The following PPM1H variants were observed in gnomAD, a reference collection of about 807,000 sequenced individuals.
PPM1H encodes protein phosphatase 1H.
Under a neutral mutation model 54.9 loss-of-function variants are expected in PPM1H, and 27 were observed. The ratio of observed to expected loss-of-function variants is 0.49; its 90% CI spans 0.36 to 0.68. The LOEUF (loss-of-function observed/expected upper bound fraction) is 0.68. PPM1H is among the 30% of genes least tolerant of loss of function. PPM1H has a pLI of 0.00. For synonymous variants in PPM1H, 305 were observed against 270.8 expected (o/e 1.13, Z -1.24); for missense variants, 596 against 667.8 (o/e 0.89, Z 1.19).
chr12:62,811,739 C>A (rs1385803583), intron 2 of PPM1H, among the ~76,000 whole-genome samples: 1 of 152,148 alleles, frequency 6.6e-6, no homozygotes, highest in Non-Finnish European at 1.5e-5. Context: ...CTCCTTTCCG[C>A]CACCATGTGA....
chr12:62,822,319 A>T (rs2076908626), intron 2 of PPM1H, among the ~76,000 whole-genome samples: 1 of 152,144 alleles, frequency 6.6e-6, no homozygotes, highest in Non-Finnish European at 1.5e-5. Context: ...AGACTTTAAC[A>T]CCCCACTGTC....
chr12:62,768,893 A>G (rs2120640872), intron 4 of PPM1H, among the ~76,000 whole-genome samples: 1 of 152,318 alleles, frequency 6.6e-6, no homozygotes, highest in East Asian at 1.9e-4. Flanking sequence ...ACCAAATGAT[A>G]AAAGACAAGA....
chr12:62,897,879 C>A (rs1165977597), intron 1 of PPM1H, among the ~76,000 whole-genome samples: 2 of 152,030 alleles, frequency 1.3e-5, no homozygotes, highest in Non-Finnish European at 2.9e-5. Flanking sequence ...ATGTGGGGAA[C>A]AGAAGGTGTA....
At chr12:62,741,959 T>C (rs956505116) in intron 4 of PPM1H, among the ~76,000 whole-genome samples, 1 of 151,778 alleles carries the variant, frequency 6.6e-6, no homozygotes, top group African/African-American at 2.4e-5. Flanking sequence ...ATACGCCTTT[T>C]TGTTGGTTTT....
chr12:62,801,757 A>G, intron 3 of PPM1H, 59 bp downstream of exon 3: 2 of 1,573,692 alleles, frequency 1.3e-6, no homozygotes, highest in Non-Finnish European at 1.7e-6. Flanking sequence ...GGAAGGACGG[A>G]CAGACCTGGC....
At chr12:62,700,190 C>T (rs565402269) in intron 6 of PPM1H, among the ~76,000 whole-genome samples, 1 of 152,256 alleles carries the variant, frequency 6.6e-6, no homozygotes, top group South Asian at 2.1e-4. Flanking sequence ...TTTGGTGGTG[C>T]TTTTGGATTC....
chr12:62,795,565 G>T (rs550044825), intron 3 of PPM1H, among the ~76,000 whole-genome samples: 4 of 151,966 alleles, frequency 2.6e-5, no homozygotes, highest in South Asian at 4.2e-4. Flanking sequence ...TCCTGCCTCA[G>T]GCTCCCGAGT....
At chr12:62,690,431 G>T (rs1047659534) in intron 7 of PPM1H, among the ~76,000 whole-genome samples, 1 of 152,154 alleles carries the variant, frequency 6.6e-6, no homozygotes, top group East Asian at 1.9e-4. Flanking sequence ...TTCCCTCTGG[G>T]TGGAAAGGAA....
intron 9 of PPM1H, among the ~76,000 whole-genome samples, chr12:62,665,692 G>T (rs1381322214): frequency 1.3e-5 from 2 of 151,904 alleles, no homozygotes; most frequent in African/African-American, 4.8e-5. Context: ...AAATTGTTTA[G>T]TCATTTTTTT....
At chr12:62,672,980 C>T (rs192979343) in intron 8 of PPM1H, among the ~76,000 whole-genome samples, 82 of 152,280 alleles carry the variant, frequency 5.4e-4, no homozygotes, top group Middle Eastern at 3.4e-3. Flanking sequence ...CAGAAGACCC[C>T]CTCATTTCAC....
At chr12:62,765,018 C>G (rs1286772156) in intron 4 of PPM1H, among the ~76,000 whole-genome samples, 2 of 152,142 alleles carry the variant, frequency 1.3e-5, no homozygotes, top group Non-Finnish European at 2.9e-5. Context: ...TGCAGGTCAT[C>G]AAAAAAGTTC....
intron 4 of PPM1H, among the ~76,000 whole-genome samples, chr12:62,771,305 C>CAG (rs1391348093): frequency 6.9e-6 from 1 of 144,772 alleles, no homozygotes; most frequent in African/African-American, 2.5e-5. Context: ...GACACACACA[C>CAG]ACACACACAC....
chr12:62,875,199 T>C (rs1870116300), intron 1 of PPM1H, among the ~76,000 whole-genome samples: 1 of 152,208 alleles, frequency 6.6e-6, no homozygotes, highest in Non-Finnish European at 1.5e-5. Context: ...TGGTAAAGCT[T>C]AGGTTGGAAG....
At chr12:62,872,359 G>A (rs1870017350) in intron 1 of PPM1H, among the ~76,000 whole-genome samples, 2 of 152,196 alleles carry the variant, frequency 1.3e-5, no homozygotes, top group Non-Finnish European at 2.9e-5. Context: ...AAAAGAACAA[G>A]ACAGGATGTG....
chr12:62,771,496 C>A (rs2076579910), intron 4 of PPM1H, among the ~76,000 whole-genome samples: 1 of 152,112 alleles, frequency 6.6e-6, no homozygotes, highest in South Asian at 2.1e-4. Flanking sequence ...GGAACGCTAT[C>A]AGAAAAGTTC....
chr12:62,720,060 T>C lies in PPM1H; in HGVS notation c.1073+111A>G, dbSNP rs1353495349. On this transcript the variant is annotated intron_variant, in intron 6 of 9. Coordinates refer to ENST00000228705, the MANE Select transcript of PPM1H (RefSeq NM_020700.2). ...CCCCCTTGTCTTTTACCACAAACCC[T>C]GGTCTCTGGCTGTGCTTCCTGATCC... The C allele has an allele frequency of 4.4e-6, 4 of 914,058 alleles. No individual in the cohort carries two copies. In the East Asian group the frequency reaches 7.3e-5, roughly 17 times the overall value. The allele number at this position is 914,058 out of a possible 1,614,324, so 56.6% of individuals were successfully genotyped here.
chr12:62,900,005 T>C (rs1715481029), intron 1 of PPM1H, among the ~76,000 whole-genome samples: 1 of 152,158 alleles, frequency 6.6e-6, no homozygotes, highest in Non-Finnish European at 1.5e-5. Context: ...AGTCTGCAGT[T>C]TACAACCTGG....
chr12:62,789,023 G>A (rs551727440), intron 3 of PPM1H, among the ~76,000 whole-genome samples: 41 of 150,762 alleles, frequency 2.7e-4, no homozygotes, highest in African/African-American at 9.7e-4. Context: ...ACTGCGCCCA[G>A]CCTTGTCTTT....
intron 8 of PPM1H, among the ~76,000 whole-genome samples, chr12:62,688,566 T>C (rs2076066570): frequency 6.6e-6 from 1 of 152,256 alleles, no homozygotes; most frequent in Non-Finnish European, 1.5e-5. Flanking sequence ...TACTGTTTCC[T>C]ATATGGTAAG....
Sources: allele counts gnomAD v4.1 joint callset (sites outside exome capture counted in the v4.1 genomes callset), GRCh38; gene constraint gnomAD v4.1.1; transcripts MANE v1.5; gene names NCBI Gene and HGNC (gene_info 2026-07-23, HGNC 2026-07-21).